ERCC6L2: variants seen among roughly 807,000 people sequenced by gnomAD.
ERCC6L2 encodes the protein DNA excision repair protein ERCC-6-like 2.
ERCC6L2 carries 77 observed loss-of-function variants against 132.0 expected under a neutral mutation model. The ratio of observed to expected loss-of-function variants is 0.58; its 90% CI spans 0.49 to 0.71. The LOEUF is 0.71. ERCC6L2 is among the 30% of genes least tolerant of loss of function. The probability of loss-of-function intolerance (pLI) is 0.00; values close to 1 mark genes in which losing one functional copy is unlikely to be tolerated. For synonymous variants in ERCC6L2, 583 were observed against 632.4 expected, an observed-to-expected ratio of 0.92 and a Z score of 1.17; for missense variants, 1,542 against 1,837.6, an observed-to-expected ratio of 0.84 and a Z score of 2.94.
intron 5 of ERCC6L2, 72 bp from the exon 6 acceptor site, chr9:95,916,155 A>C: frequency 7.4e-7 from 1 of 1,342,594 alleles, no homozygotes; most frequent in Non-Finnish European, 1.1e-6. Context: ...AATGTAGTAT[A>C]TCTCTTAGAA....
intron 13 of ERCC6L2, among the ~76,000 whole-genome samples, chr9:95,960,714 C>T (rs1324909004): frequency 6.6e-6 from 1 of 152,122 alleles, no homozygotes; most frequent in Non-Finnish European, 1.5e-5. Context: ...TTCTGGCTCC[C>T]AGAACTGTGA....
At chr9:95,962,921 G>C (rs1831979553) in intron 13 of ERCC6L2, among the ~76,000 whole-genome samples, 1 of 152,114 alleles carries the variant, frequency 6.6e-6, no homozygotes, top group African/African-American at 2.4e-5. Context: ...AAGATACCTA[G>C]AAGGATGCAC....
intron 17 of ERCC6L2, among the ~76,000 whole-genome samples, chr9:95,981,576 C>A (rs528226834): frequency 1.3e-5 from 2 of 152,216 alleles, no homozygotes; most frequent in East Asian, 3.9e-4. Flanking sequence ...TTTCTGAAAA[C>A]AGCTCATTTT....
intron 19 of ERCC6L2, among the ~76,000 whole-genome samples, chr9:96,024,809 T>C (rs58120513): frequency 0.033 from 5,023 of 152,248 alleles, 277 homozygotes; most frequent in African/African-American, 0.11. Flanking sequence ...AGCAGAATTC[T>C]TCATCCTCAA....
chr9:95,962,872 A>T (rs532115776), intron 13 of ERCC6L2, among the ~76,000 whole-genome samples: 1 of 152,292 alleles, frequency 6.6e-6, no homozygotes, highest in Admixed American at 6.5e-5. Flanking sequence ...TCATAAATTA[A>T]GGAGCATGTG....
In ERCC6L2 at chr9:95,921,312, T is replaced by C. The variant is rs374484016; in HGVS notation, c.1296T>C (p.Tyr432=). 11 of 1,610,410 alleles carry C rather than the reference T, an allele frequency of 6.8e-6. No individual in the cohort carries two copies. In the East Asian group the frequency reaches 1.8e-4, roughly 26 times the overall value. Residue 432 remains tyrosine, a synonymous_variant, in exon 7 of 19, where the codon TAT becomes TAC. Transcript: ENST00000653738. ...GCCAAAAAAGGAGAAATTGTTGTTA[T>C]AAGGCAAGCATTTCAATATATCTTT... ...RSGQKRRNCC[Y]KTNSHGETVK...
At chr9:95,906,633 C>T (rs1271911176) in intron 3 of ERCC6L2, 6 of 455,968 alleles carry the variant, frequency 1.3e-5, no homozygotes, top group East Asian at 7.0e-5. Flanking sequence ...AGAGGGGGAG[C>T]GGAAATGGGC....
chr9:95,889,790 T>C (rs1473636197), intron 2 of ERCC6L2, among the ~76,000 whole-genome samples: 1 of 152,160 alleles, frequency 6.6e-6, no homozygotes, highest in Non-Finnish European at 1.5e-5. Context: ...AATTCTAATA[T>C]TAGGTGATGT....
At chr9:95,922,556 C>A in intron 8 of ERCC6L2, 138 bp downstream of exon 8, 2 of 603,002 alleles carry the variant, frequency 3.3e-6, no homozygotes, top group South Asian at 2.1e-5. Flanking sequence ...ATGTAGATAT[C>A]AAGGAGTATG....
In ERCC6L2 at chr9:95,910,824, GA is replaced by G. The variant is rs1233814666; in HGVS notation, c.788+3554del. Among the ~76,000 whole-genome samples the G allele has an allele frequency of 1.8e-4, 27 of 152,064 alleles. 1 individual carries two copies. The highest frequency in any genetic ancestry group is 1.4e-3 in the Admixed American group (21 of 15,290). On this transcript the variant is annotated intron_variant, in intron 4 of 18. Coordinates refer to ENST00000653738, the MANE Select transcript of ERCC6L2 (RefSeq NM_020207.7). Reference sequence around the variant, plus strand: ...ACAGAAGACTAATCTGAGGCATAGAGAGGTTAAATAATTTTTCTAGGCCTTC... The same window carrying G: ...ACAGAAGACTAATCTGAGGCATAGAGGGTTAAATAATTTTTCTAGGCCTTC...
intron 19 of ERCC6L2, among the ~76,000 whole-genome samples, chr9:96,030,463 C>G (rs1440683373): frequency 6.6e-6 from 1 of 152,020 alleles, no homozygotes; most frequent in Non-Finnish European, 1.5e-5. Flanking sequence ...TTTGGGAGGC[C>G]AAAGCAGGCG....
intron 11 of ERCC6L2, among the ~76,000 whole-genome samples, chr9:95,929,316 G>C (rs931765445): frequency 6.6e-6 from 1 of 152,190 alleles, no homozygotes; most frequent in Non-Finnish European, 1.5e-5. Flanking sequence ...TCTGCAGTTA[G>C]AGTTTTTATG....
intron 19 of ERCC6L2, among the ~76,000 whole-genome samples, chr9:96,036,552 C>G (rs1004813327): frequency 1.3e-5 from 2 of 152,138 alleles, no homozygotes; most frequent in South Asian, 4.1e-4. Flanking sequence ...ATTGCTGGAT[C>G]ACCTGGGAAG....
At chr9:96,038,291 C>T (rs1443235288) in intron 19 of ERCC6L2, among the ~76,000 whole-genome samples, 2 of 152,150 alleles carry the variant, frequency 1.3e-5, no homozygotes, top group East Asian at 1.9e-4. Flanking sequence ...GTGATGATTG[C>T]TGGAAGGATG....
At chr9:95,931,008 TTTACA>T (rs1193546947) in intron 11 of ERCC6L2, among the ~76,000 whole-genome samples, 17 of 152,202 alleles carry the variant, frequency 1.1e-4, no homozygotes, top group African/African-American at 4.1e-4. Flanking sequence ...CAAAAAAGCG[TTTACA>T]TTACTATGTT....
At chr9:95,929,481 T>C (rs1275200234) in intron 11 of ERCC6L2, among the ~76,000 whole-genome samples, 1 of 152,222 alleles carries the variant, frequency 6.6e-6, no homozygotes, top group African/African-American at 2.4e-5. Flanking sequence ...TGACATCCTG[T>C]GTAATAAGAA....
chr9:95,972,773 G>T lies in ERCC6L2; in HGVS notation c.3022G>T (p.Glu1008Ter). 12 of 1,303,510 alleles carry T rather than the reference G, an allele frequency of 9.2e-6. No individual in the cohort carries two copies. Among genetic ancestry groups the T allele is most frequent in the Non-Finnish European group, 1.2e-5 (12 of 988,754 alleles). The allele number at this position is 1,303,510 out of a possible 1,614,324, so 80.7% of individuals were successfully genotyped here. A position where few individuals can be genotyped will look rare whatever the true frequency, so the allele number is the denominator to read the frequency against. The change falls in exon 16 of 19, where the codon GAA becomes TAA. Residue 1008 changes from glutamate (E) to a stop codon, truncating the protein, a stop_gained. Transcript: ENST00000653738. LOFTEE classifies it high-confidence loss of function. ...ASSLRFKRIK[E>*]TKKELHNSPK... is the part of the protein sequence containing the mutation. ...TTCATTGAGGTTTAAGAGAATAAAA[G>T]AAACCAAAAAAGAACTTCACAATTC...
chr9:95,966,816 T>C, intron 14 of ERCC6L2, 102 bp downstream of exon 14: 1 of 1,004,424 alleles, frequency 1.0e-6, no homozygotes, highest in Non-Finnish European at 1.3e-6. Context: ...AGAGAAACTT[T>C]TGGTTTTCTT....
rs1471751947 is a variant in ERCC6L2, at chr9:95,881,072, T to A, written c.250T>A (p.Phe84Ile). The stretch of plus-strand genomic sequence containing the variant: ...TAAAGATTGCCCTAGGAATCTTATA[T>A]TTGATGATGAAGATTTAGAAAAACC... Reference protein sequence around the residue: ...FVKDCPRNLIFDDEDLEKPYF... With the variant: ...FVKDCPRNLIIDDEDLEKPYF... The change falls in exon 2 of 19, where the codon TTT becomes ATT. Residue 84 changes from phenylalanine to isoleucine, a missense_variant. Phe to Ile is a conservative substitution (Grantham distance 21). Coordinates refer to ENST00000653738, the MANE Select transcript of ERCC6L2 (RefSeq NM_020207.7). The A allele has an allele frequency of 6.2e-7, 1 of 1,613,526 alleles. No homozygotes were observed. Among genetic ancestry groups the A allele is most frequent in the South Asian group, 1.1e-5 (1 of 91,030 alleles).
Sources: allele counts gnomAD v4.1 joint callset (sites outside exome capture counted in the v4.1 genomes callset), GRCh38; gene constraint gnomAD v4.1.1; transcripts MANE v1.5; gene names NCBI Gene and HGNC (gene_info 2026-07-23, HGNC 2026-07-21).